The following HK1 variants were observed in gnomAD, a reference collection of about 807,000 sequenced individuals.
HK1 encodes hexokinase 1.
Under a neutral mutation model 91.6 loss-of-function variants are expected in HK1, and 28 were observed. The observed-to-expected ratio is 0.31, with a 90% CI of 0.23 to 0.42. The LOEUF (loss-of-function observed/expected upper bound fraction) is 0.42, where lower values mean the gene tolerates loss of function less well. HK1 is among the 10% of genes least tolerant of loss of function. The pLI, the probability that HK1 is intolerant of heterozygous loss-of-function variation, is 1.00. For synonymous variants in HK1, 430 were observed against 468.1 expected, an observed-to-expected ratio of 0.92 and a Z score of 1.05; for missense variants, 770 against 1,219.8, an observed-to-expected ratio of 0.63 and a Z score of 5.49.
At chr10:69,392,478 C>G (rs766629230) in intron 15 of HK1, among the ~76,000 whole-genome samples, 170 bp downstream of exon 15, 2 of 152,150 alleles carry the variant, frequency 1.3e-5, no homozygotes, top group African/African-American at 2.4e-5. Context: ...AGCAGAGAAC[C>G]AGGGAGGACA....
chr10:69,322,336 C>T (rs944479917), intron 1 of HK1, among the ~76,000 whole-genome samples: 1 of 152,062 alleles, frequency 6.6e-6, no homozygotes, highest in Non-Finnish European at 1.5e-5. Flanking sequence ...AATTCAACTC[C>T]ATAAAAATAT....
chr10:69,340,968 C>T (rs1460373778), intron 1 of HK1, among the ~76,000 whole-genome samples: 1 of 151,996 alleles, frequency 6.6e-6, no homozygotes, highest in East Asian at 1.9e-4. Context: ...GCATGCTCTC[C>T]AACTTCGCCT....
intron 3 of HK1, chr10:69,292,155 T>C (rs140806412): frequency 9.0e-6 from 2 of 223,160 alleles, no homozygotes; most frequent in Non-Finnish European, 1.9e-5. Context: ...ACTGAAGCCT[T>C]GAACTCCTGA....
intron 7 of HK1, among the ~76,000 whole-genome samples, chr10:69,373,881 C>T (rs1359099202): frequency 1.3e-5 from 2 of 152,190 alleles, no homozygotes; most frequent in Non-Finnish European, 2.9e-5. Flanking sequence ...TGAGCTACTG[C>T]ACCCGGCCTG....
intron 3 of HK1, 131 bp downstream of exon 3, chr10:69,360,176 G>A: frequency 2.3e-6 from 2 of 873,400 alleles, no homozygotes; most frequent in Non-Finnish European, 1.9e-6. Flanking sequence ...CCTCATAGAT[G>A]CATATGTAAA....
intron 1 of HK1, among the ~76,000 whole-genome samples, chr10:69,321,499 A>G (rs890346249): frequency 6.6e-6 from 1 of 152,134 alleles, no homozygotes; most frequent in Non-Finnish European, 1.5e-5. Flanking sequence ...GTTCCCCCCC[A>G]GCGTGGGCAG....
rs569580223 is a variant in HK1, at chr10:69,379,120, G to A, written c.1032-742G>A. Among the ~76,000 whole-genome samples the A allele has an allele frequency of 3.1e-4, 47 of 152,088 alleles. 1 individual carries two copies. The South Asian group carries it at 9.8e-3, about 32-fold the overall frequency. On this transcript the variant is annotated intron_variant, in intron 8 of 17. Coordinates refer to ENST00000359426, the MANE Select transcript of HK1 (RefSeq NM_000188.3). ...ATTTAATCTGGTTTTTTGTTTGGGG[G>A]TTATTTGGGGCGAGGTTGGTTTTGT...
intron 1 of HK1, chr10:69,338,149 C>A: frequency 1.3e-6 from 1 of 744,480 alleles, no homozygotes; most frequent in Non-Finnish European, 1.7e-6. Flanking sequence ...GCTTCAAGGC[C>A]CCCTTGGTCC....
At chr10:69,289,673 T>C (rs1342135449) in intron 3 of HK1, among the ~76,000 whole-genome samples, 1 of 151,806 alleles carries the variant, frequency 6.6e-6, no homozygotes, top group Non-Finnish European at 1.5e-5. Context: ...GGTTTTGTCA[T>C]GTTGCCCAGG....
At chr10:69,395,176 G>A in intron 16 of HK1, 71 bp downstream of exon 16, 1 of 1,504,928 alleles carries the variant, frequency 6.6e-7, no homozygotes, top group South Asian at 1.2e-5. Context: ...TTGTGATGGG[G>A]GTGGTAGGGA....
At chr10:69,283,578 C>T (rs545915686) in intron 2 of HK1, among the ~76,000 whole-genome samples, 20 of 151,200 alleles carry the variant, frequency 1.3e-4, no homozygotes, top group Non-Finnish European at 2.5e-4. Context: ...GTCAGGAGTT[C>T]GAGACCAGCC....
At chr10:69,391,807 C>T (rs1283512900) in intron 14 of HK1, among the ~76,000 whole-genome samples, 1 of 152,106 alleles carries the variant, frequency 6.6e-6, no homozygotes, top group African/African-American at 2.4e-5. Context: ...GTTGCCTAAA[C>T]CTCTACCATT....
chr10:69,396,284 AAAG>A lies in HK1; in HGVS notation c.2375+1181_2375+1183del, dbSNP rs1269181764. Among the ~76,000 whole-genome samples the A allele has an allele frequency of 3.8e-3, 570 of 151,972 alleles. 10 individuals are homozygous for A. The highest frequency in any genetic ancestry group is 0.031 in the Admixed American group (468 of 15,180). On this transcript the variant is annotated intron_variant, in intron 16 of 17. Transcript: ENST00000359426. ...AGACTCTGTCTCAAAAAAAAAAAAAAAAGAGAAAGAAAAGAAAAAAAATATTAA... is the reference window on the plus strand; with the variant it reads ...AGACTCTGTCTCAAAAAAAAAAAAAAAGAAAGAAAAGAAAAAAAATATTAA...
chr10:69,368,901 G>A (rs1849847410), intron 5 of HK1, among the ~76,000 whole-genome samples: 1 of 152,170 alleles, frequency 6.6e-6, no homozygotes, highest in South Asian at 2.1e-4. Context: ...TGGGTGTCAC[G>A]GATGCAGCCT....
intron 4 of HK1, among the ~76,000 whole-genome samples, chr10:69,366,917 C>G (rs558448888): frequency 3.3e-5 from 5 of 152,320 alleles, no homozygotes; most frequent in Admixed American, 2.6e-4. Flanking sequence ...TGAGTGCCAT[C>G]CCTGTGCCAG....
chr10:69,354,374 G>C (rs867487163), intron 2 of HK1, among the ~76,000 whole-genome samples: 16 of 152,192 alleles, frequency 1.1e-4, no homozygotes, highest in Admixed American at 2.6e-4. Context: ...GGCTGGGGAG[G>C]CCTCAGGAAA....
chr10:69,293,666 G>A (rs1328298742), intron 3 of HK1, among the ~76,000 whole-genome samples: 2 of 152,074 alleles, frequency 1.3e-5, no homozygotes, highest in African/African-American at 4.8e-5. Context: ...TCAGAGGTCT[G>A]CAGGCAGCTT....
intron 2 of HK1, among the ~76,000 whole-genome samples, chr10:69,353,464 G>C (rs941114805): frequency 6.6e-6 from 1 of 152,026 alleles, no homozygotes; most frequent in African/African-American, 2.4e-5. Context: ...GTGGTGGCAC[G>C]TGCCGGTAGT....
chr10:69,297,619 A>AGCATCAGCCAGGACATTAATGTGCACCAC (rs1845631811), intron 4 of HK1, among the ~76,000 whole-genome samples: 1 of 148,496 alleles, frequency 6.7e-6, no homozygotes, highest in African/African-American at 2.6e-5. Context: ...TTGAGGCCGG[A>AGCATCAGCCAGGACATTAATGTGCACCAC]TGTGGTGGCT....
Sources: allele counts gnomAD v4.1 joint callset (sites outside exome capture counted in the v4.1 genomes callset), GRCh38; gene constraint gnomAD v4.1.1; transcripts MANE v1.5; gene names NCBI Gene and HGNC (gene_info 2026-07-23, HGNC 2026-07-21).